FLACC1: variants seen among roughly 807,000 people sequenced by gnomAD.
FLACC1 encodes the protein flagellum associated containing coiled-coil domains 1, also known as flagellum-associated coiled-coil domain-containing protein 1.
A neutral mutation model predicts 62.8 loss-of-function variants in FLACC1; 66 were observed. The observed-to-expected ratio is 1.05, with a 90% CI of 0.86 to 1.29. The LOEUF is 1.29. Ranked by LOEUF, FLACC1 falls within the 50% of genes most tolerant of loss-of-function variation. The pLI is 0.00. For synonymous variants in FLACC1, 156 were observed against 161.0 expected, an observed-to-expected ratio of 0.97 and a Z score of 0.24; for missense variants, 452 against 489.1, an observed-to-expected ratio of 0.92 and a Z score of 0.71.
In FLACC1 at chr2:201,321,892, C is replaced by T. The variant is rs182202812; in HGVS notation, c.675+8578G>A. On this transcript the variant is annotated intron_variant, in intron 9 of 14. Transcript: ENST00000392257. ...CATCACTGGGTATTGCATTTACCCA[C>T]CTGCTTTAGCCACAGCTGATTCCTA... 1.3e-4 allele frequency among the ~76,000 whole-genome samples: 20 copies of T among 152,276 alleles called. No individual in the cohort carries two copies. The East Asian group carries it at 1.7e-3, about 13-fold the overall frequency.
chr2:201,342,400 T>C lies in FLACC1; in HGVS notation c.494A>G (p.Glu165Gly). 6.2e-7 allele frequency: 1 copy of C among 1,614,228 alleles called. No individual in the cohort carries two copies. The highest frequency in any genetic ancestry group is 8.5e-7 in the Non-Finnish European group (1 of 1,180,040). The change falls in exon 7 of 15, where the codon GAG becomes GGG. Residue 165 changes from glutamate to glycine, a missense_variant. Coordinates refer to ENST00000392257, the MANE Select transcript of FLACC1 (RefSeq NM_001127391.3). ...CTTGTTTTCAAAGTTCTGTTTCATC[T>C]CAGCACAGCGGAGATCCATTTCACT... is the stretch of plus-strand genomic sequence containing the variant. Reference protein sequence around the residue: ...LSSEMDLRCAEMKQNFENKNR... With the variant: ...LSSEMDLRCAGMKQNFENKNR...
Position 201,337,490 on chromosome 2 carries a change from T to G in FLACC1, c.524+4880A>C, listed in dbSNP as rs1316399202. On this transcript the variant is annotated intron_variant, in intron 7 of 14. Coordinates refer to ENST00000392257, the MANE Select transcript of FLACC1 (RefSeq NM_001127391.3). ...CTGGATTCTCTATTCTGTTCCATGC[T>G]TTATGTTTATATGTCTATTTTTATA... Among the ~76,000 whole-genome samples the G allele has an allele frequency of 2.6e-5, 4 of 152,274 alleles. No individual in the cohort carries two copies. In the East Asian group the frequency reaches 7.7e-4, roughly 29 times the overall value.
chr2:201,300,996 A>C (rs1949969447), intron 11 of FLACC1, among the ~76,000 whole-genome samples: 1 of 152,224 alleles, frequency 6.6e-6, no homozygotes, highest in Admixed American at 6.5e-5. Context: ...AATAGCTGAA[A>C]ATTTTAAAAA....
chr2:201,341,977 G>A (rs1157815869), intron 7 of FLACC1, among the ~76,000 whole-genome samples: 3 of 152,062 alleles, frequency 2.0e-5, no homozygotes, highest in Non-Finnish European at 2.9e-5. Context: ...GGAGAGTAGA[G>A]GTGAGACAAA....
intron 9 of FLACC1, among the ~76,000 whole-genome samples, chr2:201,311,695 T>A (rs1487683957): frequency 1.9e-5 from 2 of 106,826 alleles, no homozygotes. Flanking sequence ...AATGAGACAC[T>A]GACTCAAAAA....
At chr2:201,310,677 G>A (rs1307575976) in intron 9 of FLACC1, among the ~76,000 whole-genome samples, 2 of 152,174 alleles carry the variant, frequency 1.3e-5, no homozygotes, top group African/African-American at 4.8e-5. Context: ...GCAGTGCAGA[G>A]TGATACATTC....
At chr2:201,358,440 G>A (rs996481722), upstream of FLACC1, among the ~76,000 whole-genome samples, 6 of 124,790 alleles carry the variant, frequency 4.8e-5, no homozygotes, top group Non-Finnish European at 6.6e-5. Flanking sequence ...TTTTTGAGAC[G>A]GAGTCTCGCT....
chr2:201,361,406 T>G (rs927182460), upstream of FLACC1, among the ~76,000 whole-genome samples: 3 of 152,220 alleles, frequency 2.0e-5, no homozygotes, highest in African/African-American at 7.2e-5. Context: ...AATGCAAGAT[T>G]TGTGCATAAT....
chr2:201,289,399 A>C, intron 14 of FLACC1, 58 bp downstream of exon 14: 1 of 1,534,802 alleles, frequency 6.5e-7, no homozygotes, highest in East Asian at 2.2e-5. Context: ...TTCCTCACTC[A>C]AACTCCTTCC....
intron 7 of FLACC1, 79 bp from the exon 8 acceptor site, chr2:201,330,912 C>T: frequency 5.9e-6 from 6 of 1,014,606 alleles, no homozygotes; most frequent in Non-Finnish European, 7.1e-6. Context: ...TCTGATCCTA[C>T]CCTCCACCCT....
intron 9 of FLACC1, among the ~76,000 whole-genome samples, chr2:201,322,578 A>G (rs2125583027): frequency 6.6e-6 from 1 of 152,310 alleles, no homozygotes; most frequent in Non-Finnish European, 1.5e-5. Flanking sequence ...CAAACACAAA[A>G]AGAAACACAG....
At chr2:201,289,927 T>G (rs1949694161) in intron 12 of FLACC1, 142 bp from the exon 13 acceptor site, 1 of 1,456,996 alleles carries the variant, frequency 6.9e-7, no homozygotes, top group Non-Finnish European at 9.4e-7. Flanking sequence ...CTGTCAGTCC[T>G]GCCTCCTCTC....
chr2:201,350,599 T>G, intron 3 of FLACC1, 112 bp downstream of exon 3: 1 of 877,606 alleles, frequency 1.1e-6, no homozygotes, highest in Non-Finnish European at 1.8e-6. Context: ...GAGAATCGCT[T>G]GAGACTGGGA....
intron 4 of FLACC1, among the ~76,000 whole-genome samples, chr2:201,347,696 G>A (rs935762917): frequency 2.6e-5 from 4 of 151,090 alleles, no homozygotes; most frequent in Admixed American, 2.0e-4. Flanking sequence ...AAAATGTACC[G>A]ATTACATCCC....
chr2:201,344,321 G>A, intron 5 of FLACC1, 58 bp from the exon 6 acceptor site: 1 of 1,431,606 alleles, frequency 7.0e-7, no homozygotes, highest in Non-Finnish European at 9.8e-7. Flanking sequence ...TGCCATTCAG[G>A]CCCCTGAGCA....
At chr2:201,352,276 C>T (rs1951042133) in intron 1 of FLACC1, among the ~76,000 whole-genome samples, 1 of 152,174 alleles carries the variant, frequency 6.6e-6, no homozygotes, top group Non-Finnish European at 1.5e-5. Flanking sequence ...AAATGAATCT[C>T]CTCGTTTCTC....
At chr2:201,362,271 G>A (rs2125633401), upstream of FLACC1, among the ~76,000 whole-genome samples, 2 of 152,180 alleles carry the variant, frequency 1.3e-5, no homozygotes, top group South Asian at 4.1e-4. Context: ...AGAGTCTCAA[G>A]CTTCATTTCT....
At chr2:201,354,292 C>T (rs151266493) in intron 1 of FLACC1, among the ~76,000 whole-genome samples, 7 of 152,276 alleles carry the variant, frequency 4.6e-5, no homozygotes, top group African/African-American at 1.7e-4. Flanking sequence ...AGGGAGCTTG[C>T]AGTCAGCAGA....
At chr2:201,356,450 G>A (rs747214362) in intron 1 of FLACC1, among the ~76,000 whole-genome samples, 6 of 152,264 alleles carry the variant, frequency 3.9e-5, no homozygotes, top group Non-Finnish European at 7.4e-5. Flanking sequence ...GTGAGCTACC[G>A]TGCCCTGCCT....
Sources: gnomAD v4.1 joint callset for allele counts (sites outside exome capture counted in the v4.1 genomes callset) on GRCh38, gnomAD v4.1.1 for gene constraint, MANE v1.5 for transcripts, NCBI Gene and HGNC (gene_info 2026-07-23, HGNC 2026-07-21) for gene names.